The following RAB2A variants were observed in gnomAD, a reference collection of about 807,000 sequenced individuals.
The protein encoded by RAB2A is ras-related protein Rab-2A.
In RAB2A, 7 loss-of-function variants were observed where a neutral mutation model predicts 32.5. The observed-to-expected ratio is 0.22, with a 90% CI of 0.12 to 0.40. The LOEUF (loss-of-function observed/expected upper bound fraction) is 0.40. Ranked by LOEUF, RAB2A falls within the 10% of genes least tolerant of loss-of-function variation. The pLI is 1.00. For synonymous variants in RAB2A, 79 were observed against 85.2 expected (o/e 0.93, Z 0.40); for missense variants, 108 against 260.7 (o/e 0.41, Z 4.03).
chr8:60,525,991 ATG>A lies in RAB2A; in HGVS notation c.46+8740_46+8741del, dbSNP rs1429358801. Among the ~76,000 whole-genome samples, 5 of 142,704 alleles carry A rather than the reference ATG, an allele frequency of 3.5e-5. No homozygotes were observed. In the Admixed American group the frequency reaches 3.6e-4, roughly 10 times the overall value. The allele number at this position is 142,704 out of a possible 152,430, so 93.6% of individuals were successfully genotyped here. ...TATGTCTATATGTCTATATGTATAT[ATG>A]TCTATATGTATATATGTGTGTGTGT... On this transcript the variant is annotated intron_variant, in intron 1 of 7. Coordinates refer to ENST00000262646, the MANE Select transcript of RAB2A (RefSeq NM_002865.3).
At chr8:60,518,513 G>GTGGCA (rs1214075837) in intron 1 of RAB2A, among the ~76,000 whole-genome samples, 12,097 of 150,086 alleles carry the variant, frequency 0.081, 1,509 homozygotes, top group African/African-American at 0.27. Flanking sequence ...AAAGTTAGCC[G>GTGGCA]GGCGTCGTGG....
chr8:60,547,227 C>T (rs963782161), intron 1 of RAB2A, among the ~76,000 whole-genome samples: 3 of 152,256 alleles, frequency 2.0e-5, no homozygotes, highest in East Asian at 1.9e-4. Context: ...GGTCACCGAT[C>T]AACAGGATCC....
chr8:60,533,682 T>C (rs190261885), intron 1 of RAB2A, among the ~76,000 whole-genome samples: 12 of 152,284 alleles, frequency 7.9e-5, no homozygotes, highest in Non-Finnish European at 1.5e-4. Flanking sequence ...TATAAGATAC[T>C]ATTGTGGGCC....
chr8:60,542,065 T>A (rs1393923146), intron 1 of RAB2A, among the ~76,000 whole-genome samples: 1 of 151,970 alleles, frequency 6.6e-6, no homozygotes, highest in African/African-American at 2.4e-5. Context: ...CAGGAAAAAA[T>A]TTTTAATAAA....
At chr8:60,587,681 T>C (rs1464742519) in intron 5 of RAB2A, among the ~76,000 whole-genome samples, 3 of 152,186 alleles carry the variant, frequency 2.0e-5, no homozygotes, top group Non-Finnish European at 4.4e-5. Flanking sequence ...GCAAATTAGC[T>C]AGATTAACCA....
intron 6 of RAB2A, among the ~76,000 whole-genome samples, chr8:60,609,013 T>C (rs1804290348): frequency 6.6e-6 from 1 of 152,228 alleles, no homozygotes; most frequent in African/African-American, 2.4e-5. Flanking sequence ...CTGTGACCTC[T>C]GGGATCTTTC....
At chr8:60,592,150 T>C (rs1803953994) in intron 6 of RAB2A, 181 bp downstream of exon 6, 1 of 401,778 alleles carries the variant, frequency 2.5e-6, no homozygotes, top group African/African-American at 2.2e-5. Flanking sequence ...TTAAATCATA[T>C]TGAGCCTTCT....
chr8:60,586,830 G>T (rs867077607), intron 5 of RAB2A, among the ~76,000 whole-genome samples: 79 of 151,696 alleles, frequency 5.2e-4, no homozygotes, highest in African/African-American at 1.6e-3. Context: ...TCAGGAAGCA[G>T]AGGTGAGAGG....
chr8:60,609,501 A>G (rs961806789), intron 6 of RAB2A, among the ~76,000 whole-genome samples: 3 of 152,102 alleles, frequency 2.0e-5, no homozygotes, highest in African/African-American at 7.2e-5. Flanking sequence ...TGCAACCCCC[A>G]CATGGTAGAT....
At chr8:60,519,349 C>T (rs553845549) in intron 1 of RAB2A, among the ~76,000 whole-genome samples, 21 of 148,602 alleles carry the variant, frequency 1.4e-4, no homozygotes, top group African/African-American at 5.5e-4. Flanking sequence ...CACCTTGCTT[C>T]TGCCATTGAG....
chr8:60,556,345 C>A (rs533705030), intron 1 of RAB2A, among the ~76,000 whole-genome samples: 65 of 152,042 alleles, frequency 4.3e-4, no homozygotes, highest in Admixed American at 3.7e-3. Flanking sequence ...CAAATAGCTA[C>A]AAGAGAGGAT....
intron 1 of RAB2A, among the ~76,000 whole-genome samples, chr8:60,518,500 ACAAAAGTTAGCC>A (rs148953587): frequency 3.1e-5 from 4 of 129,564 alleles, no homozygotes; most frequent in African/African-American, 1.8e-4. Context: ...TACTAAAAGT[ACAAAAGTTAGCC>A]GGGCGTCGTG....
intron 6 of RAB2A, among the ~76,000 whole-genome samples, chr8:60,614,589 A>G (rs1804418005): frequency 6.6e-6 from 1 of 152,168 alleles, no homozygotes; most frequent in African/African-American, 2.4e-5. Context: ...AATGTCAGTG[A>G]TATGTAAGAT....
At chr8:60,540,912 G>A (rs1807634243) in intron 1 of RAB2A, among the ~76,000 whole-genome samples, 3 of 152,220 alleles carry the variant, frequency 2.0e-5, no homozygotes, top group Non-Finnish European at 4.4e-5. Context: ...TTCCTTATGT[G>A]AAAACTCTGG....
At chr8:60,614,948 G>A (rs972967074) in intron 6 of RAB2A, among the ~76,000 whole-genome samples, 1 of 152,232 alleles carries the variant, frequency 6.6e-6, no homozygotes, top group South Asian at 2.1e-4. Context: ...ACCAAATTCA[G>A]TTGGCTGCAG....
rs1342827585 is a variant in RAB2A, at chr8:60,620,810, C to G, written c.*41C>G. The G allele has an allele frequency of 2.6e-6, 4 of 1,535,970 alleles. No individual in the cohort carries two copies. The highest frequency in any genetic ancestry group is 3.5e-6 in the Non-Finnish European group (4 of 1,131,232). On this transcript the variant is annotated 3_prime_UTR_variant, in exon 8 of 8. Transcript: ENST00000262646. ...CTAGCTGCCCAACGGGGCCTACTCA[C>G]TTATTCTTTCACCCCCTCTCCTCCT...
chr8:60,552,001 G>GTTTTTTTTTTTTTTTTTTTTTTTTTTTTT (rs78161048), intron 1 of RAB2A: 1 of 109,752 alleles, frequency 9.1e-6, no homozygotes, highest in African/African-American at 3.6e-5. Flanking sequence ...GTAGCTGGGA[G>GTTTTTTTTTTTTTTTTTTTTTTTTTTTTT]TTTTTTTTTT....
chr8:60,517,029 T>C lies in RAB2A; in HGVS notation c.-179T>C. 1 of 533,990 alleles carries C rather than the reference T, an allele frequency of 1.9e-6. No individual in the cohort carries two copies. The highest frequency in any genetic ancestry group is 3.2e-6 in the Non-Finnish European group (1 of 312,404). 33.1% of individuals were successfully genotyped at this position (533,990 alleles called of 1,614,324 possible). On this transcript the variant is annotated 5_prime_UTR_variant, in exon 1 of 8. Transcript: ENST00000262646. The stretch of plus-strand genomic sequence containing the variant: ...GGTCGGGCGCTGTCTCCCTCGGCTC[T>C]GCGGGTGTCAGTTCGTCCGGCTTCC...
At chr8:60,612,315 G>A (rs1586116067) in intron 6 of RAB2A, among the ~76,000 whole-genome samples, 1 of 152,238 alleles carries the variant, frequency 6.6e-6, no homozygotes, top group Admixed American at 6.5e-5. Context: ...CCCCTCTTCA[G>A]TTTCCTGCTA....
Sources: allele counts gnomAD v4.1 joint callset (sites outside exome capture counted in the v4.1 genomes callset), GRCh38; gene constraint gnomAD v4.1.1; transcripts MANE v1.5; gene names NCBI Gene and HGNC (gene_info 2026-07-23, HGNC 2026-07-21).